Variants in MPEG1 observed in about 807,000 individuals in gnomAD.
MPEG1 encodes macrophage expressed 1.
For synonymous variants in MPEG1, 365 were observed against 351.9 expected, an observed-to-expected ratio of 1.04 and a Z score of -0.42; for missense variants, 876 against 880.3, an observed-to-expected ratio of 1.00 and a Z score of 0.06.
Position 59,211,172 on chromosome 11 carries a change from G to A in MPEG1, c.1694C>T (p.Pro565Leu). The change falls in exon 1 of 1, where the codon CCA becomes CTA. Residue 565 changes from proline to leucine, a missense_variant. Physicochemically the swap from Pro to Leu is moderately conservative, Grantham distance 98 (BLOSUM62 -3). Coordinates refer to ENST00000361050, the MANE Select transcript of MPEG1 (RefSeq NM_001039396.2). ...KKCPGGFSQHPALISDGCQVS... is the reference protein window; with the variant it reads ...KKCPGGFSQHLALISDGCQVS... Reference sequence around the variant, plus strand: ...TTGGCATCCATCGCTGATGAGGGCTGGGTGCTGGCTGAAGCCCCCGGGGCA... The same window carrying A: ...TTGGCATCCATCGCTGATGAGGGCTAGGTGCTGGCTGAAGCCCCCGGGGCA... The A allele has an allele frequency of 6.2e-7, 1 of 1,614,240 alleles. No homozygotes were observed. Among genetic ancestry groups the A allele is most frequent in the Admixed American group, 1.7e-5 (1 of 60,024 alleles).
chr11:59,210,993 A>G lies in MPEG1; in HGVS notation c.1873T>C (p.Ser625Pro), dbSNP rs781583890. 1 of 1,614,026 alleles carries G rather than the reference A, an allele frequency of 6.2e-7. No individual in the cohort carries two copies. The highest frequency in any genetic ancestry group is 8.5e-7 in the Non-Finnish European group (1 of 1,180,002). The change falls in exon 1 of 1, where the codon TCC becomes CCC. Residue 625 changes from serine to proline, a missense_variant. Physicochemically the swap from Ser to Pro is moderately conservative, Grantham distance 74. Coordinates refer to ENST00000361050, the MANE Select transcript of MPEG1 (RefSeq NM_001039396.2). ...SENARSWIKDSQTHQWRLGEP... is the reference protein window; with the variant it reads ...SENARSWIKDPQTHQWRLGEP... ...CCCAGCCTCCACTGGTGGGTCTGGG[A>G]GTCTTTAATCCAGGATCTCGCATTC...
At position 59,210,359 on chromosome 11, in the gene MPEG1, T is replaced by G; in HGVS notation, c.*356A>C. ...GGCAGAAACTCTTAGAGCTCACAAA[T>G]TGGAAACAACTGCAAACTTCAGAGT... On this transcript the variant is annotated 3_prime_UTR_variant, in exon 1 of 1. Transcript: ENST00000361050. 1 of 210,264 alleles carries G rather than the reference T, an allele frequency of 4.8e-6. No homozygotes were observed. The highest frequency in any genetic ancestry group is 1.2e-4 in the East Asian group (1 of 8,612). The allele number at this position is 210,264 out of a possible 1,614,324, so 13.0% of individuals were successfully genotyped here.
chr11:59,211,135 G>T lies in MPEG1; in HGVS notation c.1731C>A (p.Cys577Ter). 1 of 1,614,180 alleles carries T rather than the reference G, an allele frequency of 6.2e-7. No individual in the cohort carries two copies. Among genetic ancestry groups the T allele is most frequent in the South Asian group, 1.1e-5 (1 of 91,088 alleles). ...LISDGCQVSY[C>*]VKSGLFTGGS... ...CTCCTGTGAAGAGCCCGGATTTGAC[G>T]CAATAGGACACTTGGCATCCATCGC... The change falls in exon 1 of 1, where the codon TGC (cysteine) becomes TGA (stop). Residue 577 changes from cysteine (C) to a stop codon, truncating the protein, a stop_gained. Coordinates refer to ENST00000361050, the MANE Select transcript of MPEG1 (RefSeq NM_001039396.2). LOFTEE classifies it low-confidence loss of function (END_TRUNC).
rs757132960 is a variant in MPEG1 at position 59,212,294 on chromosome 11, G to T, written c.572C>A (p.Thr191Asn). 3.1e-6 allele frequency: 5 copies of T among 1,613,900 alleles called. No homozygotes were observed. Among genetic ancestry groups the T allele is most frequent in the Non-Finnish European group, 4.2e-6 (5 of 1,180,026 alleles). The change falls in exon 1 of 1, where the codon ACC (threonine) becomes AAC (asparagine). Residue 191 changes from threonine to asparagine, a missense_variant. By Grantham distance (65) the Thr-to-Asn change is moderately conservative. Transcript: ENST00000361050. ...RLENNQTRMA[T>N]YLAELLVLNY... is the part of the protein sequence containing the mutation. ...GAGCACCAGGAGTTCTGCCAGGTAG[G>T]TGGCCATCCTCGTCTGGTTGTTCTC...
Position 59,212,304 on chromosome 11 carries a change from T to C in MPEG1, c.562A>G (p.Arg188Gly). ...ISDRLENNQT[R>G]MATYLAELLV... Reference sequence around the variant, plus strand: ...AGTTCTGCCAGGTAGGTGGCCATCCTCGTCTGGTTGTTCTCTAGACGGTCA... The same window carrying C: ...AGTTCTGCCAGGTAGGTGGCCATCCCCGTCTGGTTGTTCTCTAGACGGTCA... The change falls in exon 1 of 1, where the codon AGG (arginine) becomes GGG (glycine). Residue 188 changes from arginine to glycine, a missense_variant. By Grantham distance (125) the Arg-to-Gly change is moderately radical (BLOSUM62 -2). Coordinates refer to ENST00000361050, the MANE Select transcript of MPEG1 (RefSeq NM_001039396.2). 1 of 1,613,938 alleles carries C rather than the reference T, an allele frequency of 6.2e-7. No homozygotes were observed. The highest frequency in any genetic ancestry group is 8.5e-7 in the Non-Finnish European group (1 of 1,180,026).
rs200492555 is a variant in MPEG1, at chr11:59,210,883, T to G, written c.1983A>C (p.Thr661=). The change falls in exon 1 of 1, where the codon ACA becomes ACC. Residue 661 remains threonine (T), a synonymous_variant. Transcript: ENST00000361050. ...CAGCCAGAATGGTGGTGACCCCCAC[T>G]GTGACCCCAGCTGCAGCCCCTCCTG... The part of the protein sequence containing the change: ...GLSGGAAAGV[T]VGVTTILAVV... 1 of 1,614,130 alleles carries G rather than the reference T, an allele frequency of 6.2e-7. No homozygotes were observed. Among genetic ancestry groups the G allele is most frequent in the South Asian group, 1.1e-5 (1 of 91,084 alleles).
chr11:59,212,651 G>A lies in MPEG1; in HGVS notation c.215C>T (p.Thr72Ile), dbSNP rs1862911660. The change falls in exon 1 of 1, where the codon ACA becomes ATA. Residue 72 changes from threonine to isoleucine, a missense_variant. Transcript: ENST00000361050. ...VMELTYSNCR[T>I]TEDGQYIIPD... Reference sequence around the variant, plus strand: ...GATGATATACTGTCCATCCTCTGTTGTCCTGCAGTTGGAGTAAGTCAATTC... The same window carrying A: ...GATGATATACTGTCCATCCTCTGTTATCCTGCAGTTGGAGTAAGTCAATTC... 6.2e-7 allele frequency: 1 copy of A among 1,614,236 alleles called. No individual in the cohort carries two copies. Among genetic ancestry groups the A allele is most frequent in the Non-Finnish European group, 8.5e-7 (1 of 1,180,030 alleles).
In MPEG1 at chr11:59,211,521, A is replaced by T; in HGVS notation, c.1345T>A (p.Cys449Ser). The T allele has an allele frequency of 4.3e-6, 7 of 1,614,214 alleles. No homozygotes were observed. The highest frequency in any genetic ancestry group is 5.1e-6 in the Non-Finnish European group (6 of 1,180,044). ...CTLLVFCKTV[C>S]EDVFQVAKAE... is the part of the protein sequence containing the mutation. ...TTTGCCACCTGGAACACATCTTCACACACGGTCTTGCAGAAGACGAGGAGA... is the reference window on the plus strand; with the variant it reads ...TTTGCCACCTGGAACACATCTTCACTCACGGTCTTGCAGAAGACGAGGAGA... The change falls in exon 1 of 1, where the codon TGT becomes AGT. Residue 449 changes from cysteine to serine, a missense_variant. Cys to Ser is a moderately radical substitution (Grantham distance 112). Coordinates refer to ENST00000361050, the MANE Select transcript of MPEG1 (RefSeq NM_001039396.2).
At position 59,211,545 on chromosome 11, in the gene MPEG1, G is replaced by A; in HGVS notation, c.1321C>T (p.Leu441Phe). 6.2e-7 allele frequency: 1 copy of A among 1,614,208 alleles called. No homozygotes were observed. Among genetic ancestry groups the A allele is most frequent in the Non-Finnish European group, 8.5e-7 (1 of 1,180,044 alleles). ...CACACGGTCTTGCAGAAGACGAGGA[G>A]AGTGCACTTTCGATGACACTCCAGG... ...NHLECHRKCT[L>F]LVFCKTVCED... The change falls in exon 1 of 1, where the codon CTC becomes TTC. Residue 441 changes from leucine (L) to phenylalanine (F), a missense_variant. Leu to Phe is a conservative substitution (Grantham distance 22, BLOSUM62 0). Transcript: ENST00000361050.
At position 59,212,812 on chromosome 11, in the gene MPEG1, T is replaced by C. The variant is rs1269306715; in HGVS notation, c.54A>G (p.Lys18=). 7 of 1,614,238 alleles carry C rather than the reference T, an allele frequency of 4.3e-6. No individual in the cohort carries two copies. Among genetic ancestry groups the C allele is most frequent in the Non-Finnish European group, 5.9e-6 (7 of 1,180,036 alleles). ...ILFWAAAAWA[K]SGKPSGEMDE... Reference sequence around the variant, plus strand: ...CCATCTCTCCCGAAGGCTTGCCTGATTTAGCCCATGCTGCCGCTGCCCAGA... The same window carrying C: ...CCATCTCTCCCGAAGGCTTGCCTGACTTAGCCCATGCTGCCGCTGCCCAGA... Residue 18 remains lysine, a synonymous_variant, in exon 1 of 1, where the codon AAA becomes AAG. Coordinates refer to ENST00000361050, the MANE Select transcript of MPEG1 (RefSeq NM_001039396.2).
Position 59,212,529 on chromosome 11 carries a change from A to G in MPEG1, c.337T>C (p.Tyr113His), listed in dbSNP as rs757725215. Residue 113 changes from tyrosine (Y) to histidine (H), a missense_variant, in exon 1 of 1, where the codon TAC becomes CAC. Transcript: ENST00000361050. ...AGAGAGAGTTCTGTGTTGATGGAGT[A>G]GGAGGTGCTACTCTGGTAATTTGCC... ...SWANYQSSTSYSINTELSLFS... is the reference protein window; with the variant it reads ...SWANYQSSTSHSINTELSLFS... The G allele has an allele frequency of 8.1e-6, 13 of 1,614,054 alleles. No individual in the cohort carries two copies. The highest frequency in any genetic ancestry group is 2.2e-5 in the East Asian group (1 of 44,894).
In MPEG1 at chr11:59,211,601, A is replaced by G; in HGVS notation, c.1265T>C (p.Leu422Ser). The G allele has an allele frequency of 6.2e-7, 1 of 1,614,188 alleles. No homozygotes were observed. Among genetic ancestry groups the G allele is most frequent in the Non-Finnish European group, 8.5e-7 (1 of 1,180,030 alleles). Residue 422 changes from leucine to serine, a missense_variant, in exon 1 of 1, where the codon TTA (leucine) becomes TCA (serine). Physicochemically the swap from Leu to Ser is moderately radical, Grantham distance 145. Coordinates refer to ENST00000361050, the MANE Select transcript of MPEG1 (RefSeq NM_001039396.2). ...GTAACCCTCCTCGTGGATCTGGGAT[A>G]ACAGGTGCACCGGGGAGTAGCCAGA... The part of the protein sequence containing the change: ...CPSGYSPVHL[L>S]SQIHEEGYNH...
Position 59,212,461 on chromosome 11 carries a change from C to CCTCTGGAA in MPEG1, c.397_404dup (p.Arg135SerfsTer5), listed in dbSNP as rs1565225874. The CCTCTGGAA allele has an allele frequency of 2.5e-6, 4 of 1,614,162 alleles. No homozygotes were observed. The highest frequency in any genetic ancestry group is 2.7e-5 in the African/African-American group (2 of 75,030). On this transcript the variant is annotated frameshift_variant, in exon 1 of 1. Transcript: ENST00000361050. LOFTEE classifies it low-confidence loss of function (END_TRUNC). ...GGTCCTTCACTTGGAGGGTCTTCAT[C>CCTCTGGAA]CTCTGGAACTCAGTGGAAAACTTGC... is the stretch of plus-strand genomic sequence containing the variant.
In MPEG1 at chr11:59,212,771, T is replaced by C; in HGVS notation, c.95A>G (p.Gln32Arg). 1 of 1,614,240 alleles carries C rather than the reference T, an allele frequency of 6.2e-7. No individual in the cohort carries two copies. Residue 32 changes from glutamine to arginine, a missense_variant, in exon 1 of 1, where the codon CAA becomes CGA. Physicochemically the swap from Gln to Arg is conservative, Grantham distance 43 (BLOSUM62 1). Coordinates refer to ENST00000361050, the MANE Select transcript of MPEG1 (RefSeq NM_001039396.2). The stretch of plus-strand genomic sequence containing the variant: ...TAGTTTCAAGGCATTCTTGCATTTT[T>C]GAACTCCAACTTCGTCCATCTCTCC... The part of the protein sequence containing the change: ...PSGEMDEVGV[Q>R]KCKNALKLPV...
rs1294833062 is a variant in MPEG1, at chr11:59,211,233, T to C, written c.1633A>G (p.Ile545Val). The change falls in exon 1 of 1, where the codon ATA becomes GTA. Residue 545 changes from isoleucine to valine, a missense_variant. Coordinates refer to ENST00000361050, the MANE Select transcript of MPEG1 (RefSeq NM_001039396.2). ...GACGGTGCCCCTAAATCTCTGGATA[T>C]AGCAGGATCTACCAGGGGGTTCCCA... ...TVGNPLVDPAISRDLGAPSLK... is the reference protein window; with the variant it reads ...TVGNPLVDPAVSRDLGAPSLK... The C allele has an allele frequency of 3.7e-6, 6 of 1,614,172 alleles. No individual in the cohort carries two copies. Among genetic ancestry groups the C allele is most frequent in the Middle Eastern group, 1.6e-4 (1 of 6,062 alleles).
chr11:59,211,272 A>G lies in MPEG1; in HGVS notation c.1594T>C (p.Phe532Leu), dbSNP rs1862886793. Residue 532 changes from phenylalanine to leucine, a missense_variant, in exon 1 of 1, where the codon TTT (phenylalanine) becomes CTT (leucine). By Grantham distance (22) the Phe-to-Leu change is conservative. Coordinates refer to ENST00000361050, the MANE Select transcript of MPEG1 (RefSeq NM_001039396.2). ...AGGGGGTTCCCAACTGTGCAGCTAA[A>G]GAACCCGCCAAAGGGGACCGCAAAC... ...SRFAVPFGGF[F>L]SCTVGNPLVD... is the part of the protein sequence containing the mutation. 6.2e-7 allele frequency: 1 copy of G among 1,614,190 alleles called. No individual in the cohort carries two copies. Among genetic ancestry groups the G allele is most frequent in the Non-Finnish European group, 8.5e-7 (1 of 1,180,028 alleles).
rs555343462 is a variant in MPEG1, at chr11:59,208,663, C to A, written c.*2052G>T. 6.6e-6 allele frequency: 1 copy of A among 152,134 alleles called. No homozygotes were observed. Among genetic ancestry groups the A allele is most frequent in the Admixed American group, 6.5e-5 (1 of 15,274 alleles). The allele number at this position is 152,134 out of a possible 1,614,324, so 9.4% of individuals were successfully genotyped here. On this transcript the variant is annotated 3_prime_UTR_variant, in exon 1 of 1. Transcript: ENST00000361050. ...TTTTCTTGGAAGCCAGGGTTGGTCTCCCCACAGACCCCAGGCTAAGGTCAC... is the reference window on the plus strand; with the variant it reads ...TTTTCTTGGAAGCCAGGGTTGGTCTACCCACAGACCCCAGGCTAAGGTCAC...
chr11:59,212,478 A>T lies in MPEG1; in HGVS notation c.388T>A (p.Ser130Thr). 1 of 1,613,654 alleles carries T rather than the reference A, an allele frequency of 6.2e-7. No individual in the cohort carries two copies. The highest frequency in any genetic ancestry group is 2.2e-5 in the East Asian group (1 of 44,878). The change falls in exon 1 of 1, where the codon TCC becomes ACC. Residue 130 changes from serine to threonine, a missense_variant. Transcript: ENST00000361050. The stretch of plus-strand genomic sequence containing the variant: ...GTCTTCATCCTCTGGAACTCAGTGG[A>T]AAACTTGCCATTGACTTTGGAAAAA... ...SLFSKVNGKF[S>T]TEFQRMKTLQ...
At position 59,211,080 on chromosome 11, in the gene MPEG1, AAGGTGGGAGCCTGGC is replaced by A. The variant is rs1254746904; in HGVS notation, c.1771_1785del (p.Ala591_Pro595del). ...TGACTCATGAGGGGTGGCCGGGTGA[AAGGTGGGAGCCTGGC>A]AGGGGGCAGGGACCCTCCTGTGAAG... On this transcript the variant is annotated inframe_deletion, in exon 1 of 1. Transcript: ENST00000361050. 1 of 1,614,142 alleles carries A rather than the reference AAGGTGGGAGCCTGGC, an allele frequency of 6.2e-7. No individual in the cohort carries two copies. Among genetic ancestry groups the A allele is most frequent in the South Asian group, 1.1e-5 (1 of 91,080 alleles).
Sources: allele counts gnomAD v4.1 joint callset, GRCh38; gene constraint gnomAD v4.1.1; transcripts MANE v1.5; gene names NCBI Gene and HGNC (gene_info 2026-07-23, HGNC 2026-07-21).